Variants in CCDC180 observed in about 807,000 individuals in gnomAD.
CCDC180 encodes the protein coiled-coil domain containing 180, also known as coiled-coil domain-containing protein 180.
In CCDC180, 154 loss-of-function variants were observed where a neutral mutation model predicts 209.2. The ratio of observed to expected loss-of-function variants is 0.74; its 90% CI spans 0.65 to 0.84. The LOEUF (loss-of-function observed/expected upper bound fraction) is 0.84. Ranked by LOEUF, CCDC180 falls within the 40% of genes least tolerant of loss-of-function variation. The probability of loss-of-function intolerance (pLI) is 0.00; values close to 1 mark genes in which losing one functional copy is unlikely to be tolerated. For synonymous variants in CCDC180, 778 were observed against 749.1 expected (o/e 1.04, Z -0.63); for missense variants, 1,874 against 1,997.3 (o/e 0.94, Z 1.18).
At chr9:97,355,954 A>G (rs910958453) in intron 24 of CCDC180, among the ~76,000 whole-genome samples, 1 of 152,180 alleles carries the variant, frequency 6.6e-6, no homozygotes, top group African/African-American at 2.4e-5. Context: ...ACCAGCGGGC[A>G]GACAGTGGGG....
chr9:97,343,324 G>A lies in CCDC180; in HGVS notation c.2275-16G>A. On this transcript the variant is annotated splice_polypyrimidine_tract_variant and intron_variant, in intron 18 of 36. Coordinates refer to ENST00000529487, the MANE Select transcript of CCDC180 (RefSeq NM_020893.6). ...TTGATGATATCAAGTCAACTTTAGT[G>A]TTATTGCCTGCTTAGGAAGAAGACA... The A allele has an allele frequency of 6.5e-7, 1 of 1,529,478 alleles. No homozygotes were observed. Among genetic ancestry groups the A allele is most frequent in the Non-Finnish European group, 9.1e-7 (1 of 1,104,156 alleles). 94.7% of individuals were successfully genotyped at this position (1,529,478 alleles called of 1,614,324 possible).
At position 97,356,340 on chromosome 9, in the gene CCDC180, C is replaced by T. The variant is rs568559075; in HGVS notation, c.3265-1287C>T. On this transcript the variant is annotated intron_variant, in intron 24 of 36. Transcript: ENST00000529487. ...AAGAAGTGTTTGCTGGCATCTCACG[C>T]TCTGAGATAGGGACTCCAGACCCAG... 9.2e-5 allele frequency among the ~76,000 whole-genome samples: 14 copies of T among 152,314 alleles called. 1 individual carries two copies. Among genetic ancestry groups the T allele is most frequent in the East Asian group, 5.8e-4 (3 of 5,182 alleles).
At chr9:97,350,616 T>G in intron 22 of CCDC180, 61 bp downstream of exon 22, 1 of 1,487,238 alleles carries the variant, frequency 6.7e-7, no homozygotes, top group Non-Finnish European at 8.9e-7. Context: ...GGATGTGGTC[T>G]TGTTTCCCCC....
chr9:97,349,411 T>C (rs1383666079), intron 21 of CCDC180, 120 bp downstream of exon 21: 1 of 805,462 alleles, frequency 1.2e-6, no homozygotes, highest in Non-Finnish European at 1.9e-6. Flanking sequence ...TCCAGAGCCT[T>C]CTTTTGAGTT....
chr9:97,371,548 G>A (rs1222203362), intron 33 of CCDC180, 47 bp from the exon 34 acceptor site: 1 of 1,299,720 alleles, frequency 7.7e-7, no homozygotes, highest in Non-Finnish European at 1.1e-6. Flanking sequence ...TGGCCTTGGA[G>A]GGATGATCCT....
intron 2 of CCDC180, 36 bp downstream of exon 2, chr9:97,308,168 C>T (rs1393747850): frequency 6.6e-7 from 1 of 1,516,726 alleles, no homozygotes; most frequent in Non-Finnish European, 8.8e-7. Flanking sequence ...TTCTCCATCC[C>T]CCTTCCCTTG....
intron 3 of CCDC180, among the ~76,000 whole-genome samples, chr9:97,311,344 A>G (rs1832981343): frequency 6.6e-6 from 1 of 152,242 alleles, no homozygotes; most frequent in South Asian, 2.1e-4. Flanking sequence ...GCTGCAGCCC[A>G]GGCCCAGCAG....
Position 97,366,710 on chromosome 9 carries a change from G to A in CCDC180, c.4189+10G>A, listed in dbSNP as rs759674592. On this transcript the variant is annotated intron_variant, in intron 31 of 36. Transcript: ENST00000529487. This position sits in a 1 kb window ranked among gnomAD's most constrained non-coding sequence, Gnocchi z 4.3. ...AACTCCTGCCTCATAGGTGAGTATA[G>A]GCAGCAGGAAGGCACGGGGAACAGG... The A allele has an allele frequency of 1.5e-5, 25 of 1,613,622 alleles. 2 individuals are homozygous for A. The South Asian group carries it at 2.2e-4, about 14-fold the overall frequency.
Position 97,377,069 on chromosome 9 carries a change from A to C in CCDC180, c.*175A>C, listed in dbSNP as rs1827279744. Reference sequence around the variant, plus strand: ...CACAGCATGGTCCCTGCCCACGTGGAGCCCTCTTCCCATGAGGAAGGCAAG... The same window carrying C: ...CACAGCATGGTCCCTGCCCACGTGGCGCCCTCTTCCCATGAGGAAGGCAAG... On this transcript the variant is annotated 3_prime_UTR_variant, in exon 37 of 37. Transcript: ENST00000529487. 1 of 563,822 alleles carries C rather than the reference A, an allele frequency of 1.8e-6. No individual in the cohort carries two copies. Among genetic ancestry groups the C allele is most frequent in the Non-Finnish European group, 2.8e-6 (1 of 353,016 alleles). 34.9% of individuals were successfully genotyped at this position (563,822 alleles called of 1,614,324 possible).
Position 97,354,688 on chromosome 9 carries a change from A to G in CCDC180, c.3122A>G (p.Lys1041Arg), listed in dbSNP as rs41281932. The part of the protein sequence containing the change: ...VESVIMLNME[K>R]LENEYLDQAN... ...AGTGTCATCATGCTCAACATGGAGA[A>G]GTTGGAGAATGAGTACCTGGACCAG... The change falls in exon 23 of 37, where the codon AAG (lysine) becomes AGG (arginine). Residue 1041 changes from lysine (K) to arginine (R), a missense_variant. Lys to Arg is a conservative substitution (Grantham distance 26). Transcript: ENST00000529487. 2,989 of 1,614,238 alleles carry G rather than the reference A, an allele frequency of 1.9e-3. 6 individuals are homozygous for G. Among genetic ancestry groups the G allele is most frequent in the Non-Finnish European group, 2.3e-3 (2,761 of 1,180,040 alleles).
At position 97,330,203 on chromosome 9, in the gene CCDC180, T is replaced by C. The variant is rs778704057; in HGVS notation, c.1828+10T>C. ...AAATTCAGGCAACCAGGTAACACTT[T>C]TTCAATTCAAGTTTTATTCTCCCAG... On this transcript the variant is annotated intron_variant, in intron 17 of 36. Coordinates refer to ENST00000529487, the MANE Select transcript of CCDC180 (RefSeq NM_020893.6). The C allele has an allele frequency of 9.3e-6, 15 of 1,613,950 alleles. No homozygotes were observed. In the East Asian group the frequency reaches 1.8e-4, roughly 19 times the overall value.
chr9:97,357,880 T>C, intron 25 of CCDC180, 155 bp downstream of exon 25: 1 of 574,176 alleles, frequency 1.7e-6, no homozygotes, highest in Non-Finnish European at 3.0e-6. Context: ...AACCCCTGTT[T>C]CATGGAATGA....
intron 28 of CCDC180, among the ~76,000 whole-genome samples, chr9:97,363,208 C>G (rs1826817086): frequency 6.6e-6 from 1 of 152,236 alleles, no homozygotes; most frequent in Non-Finnish European, 1.5e-5. Flanking sequence ...TTGGCTTTCT[C>G]TGGTTGGTCC....
intron 6 of CCDC180, 45 bp downstream of exon 6, chr9:97,314,566 T>C: frequency 1.9e-6 from 3 of 1,613,552 alleles, no homozygotes; most frequent in Non-Finnish European, 2.5e-6. Context: ...CAGGTCCTGC[T>C]TCTTCCCTGC....
chr9:97,358,822 C>G lies in CCDC180; in HGVS notation c.3363+1097C>G, dbSNP rs77948343. On this transcript the variant is annotated intron_variant, in intron 25 of 36. Coordinates refer to ENST00000529487, the MANE Select transcript of CCDC180 (RefSeq NM_020893.6). ...AGGTTCTGGAGTGGGAAGCTTTCTC[C>G]TCACCGTTCTCTGTCTTTTCTCTAC... is the stretch of plus-strand genomic sequence containing the variant. Among the ~76,000 whole-genome samples, 1,413 of 152,278 alleles carry G rather than the reference C, an allele frequency of 9.3e-3. 41 individuals are homozygous for G. In the East Asian group the frequency reaches 0.095, roughly 10 times the overall value.
In CCDC180 at chr9:97,366,641, G is replaced by A; in HGVS notation, c.4130G>A (p.Ser1377Asn). Residue 1377 changes from serine (S) to asparagine (N), a missense_variant, in exon 31 of 37, where the codon AGC becomes AAC. By Grantham distance (46) the Ser-to-Asn change is conservative. Transcript: ENST00000529487. This position sits in a 1 kb window ranked among gnomAD's most constrained non-coding sequence, Gnocchi z 4.3. Reference sequence around the variant, plus strand: ...TTTGACCAGTGCGCCGAGAACATTAGCAAAAAGATCCTGGAGTATCAGAGC... The same window carrying A: ...TTTGACCAGTGCGCCGAGAACATTAACAAAAAGATCCTGGAGTATCAGAGC... ...DTFDQCAENI[S>N]KKILEYQSQA... 6.2e-6 allele frequency: 10 copies of A among 1,614,204 alleles called. No individual in the cohort carries two copies. The highest frequency in any genetic ancestry group is 7.6e-6 in the Non-Finnish European group (9 of 1,180,034).
intron 18 of CCDC180, among the ~76,000 whole-genome samples, chr9:97,335,485 A>G (rs943880257): frequency 4.6e-5 from 7 of 152,192 alleles, no homozygotes; most frequent in Admixed American, 2.0e-4. Context: ...AGCTTCATCC[A>G]TGTTGCTACA....
At chr9:97,368,569 C>T (rs956340619) in intron 31 of CCDC180, among the ~76,000 whole-genome samples, 1 of 152,108 alleles carries the variant, frequency 6.6e-6, no homozygotes, top group African/African-American at 2.4e-5. Flanking sequence ...AAGAGAAATC[C>T]AGAACTATAT....
chr9:97,313,357 C>G lies in CCDC180; in HGVS notation c.459+12C>G. The stretch of plus-strand genomic sequence containing the variant: ...CGCAGGTGGGAAAGGTGAGAATCCT[C>G]CCTCTCCCTTCTCTTCCCTTCCTGT... On this transcript the variant is annotated intron_variant, in intron 5 of 36. Transcript: ENST00000529487. The G allele has an allele frequency of 6.4e-7, 1 of 1,573,664 alleles. No individual in the cohort carries two copies. The highest frequency in any genetic ancestry group is 8.7e-7 in the Non-Finnish European group (1 of 1,144,644).
Sources: allele counts gnomAD v4.1 joint callset (sites outside exome capture counted in the v4.1 genomes callset), GRCh38; gene constraint gnomAD v4.1.1; non-coding constraint Gnocchi (gnomAD v3.1); transcripts MANE v1.5; gene names NCBI Gene and HGNC (gene_info 2026-07-23, HGNC 2026-07-21).